Variants in SLC25A21 observed in about 807,000 individuals in gnomAD.
SLC25A21 encodes the protein mitochondrial 2-oxodicarboxylate carrier.
A neutral mutation model predicts 43.8 loss-of-function variants in SLC25A21; 47 were observed. The observed-to-expected ratio is 1.07, with a 90% confidence interval of 0.85 to 1.37. The LOEUF (loss-of-function observed/expected upper bound fraction) is 1.37. Among genes scored for constraint, SLC25A21 ranks in the 40% most tolerant of loss-of-function variants. The probability of loss-of-function intolerance (pLI) is 0.00; values close to 1 mark genes in which losing one functional copy is unlikely to be tolerated. For missense variants in SLC25A21, 352 were observed against 350.2 expected (o/e 1.00, Z -0.04); for synonymous variants, 131 against 121.3 (o/e 1.08, Z -0.52).
At chr14:36,921,390 A>G (rs1891977740) in intron 1 of SLC25A21, among the ~76,000 whole-genome samples, 1 of 152,196 alleles carries the variant, frequency 6.6e-6, no homozygotes, top group Non-Finnish European at 1.5e-5. Flanking sequence ...GCAAAATAAT[A>G]GAGTCCTTTA....
intron 1 of SLC25A21, among the ~76,000 whole-genome samples, chr14:37,111,449 A>C (rs1963017667): frequency 6.6e-6 from 1 of 152,168 alleles, no homozygotes; most frequent in African/African-American, 2.4e-5. Context: ...ACAGAAAAAT[A>C]AAGGGGGAAG....
At chr14:36,900,073 G>A (rs1436906374) in intron 1 of SLC25A21, among the ~76,000 whole-genome samples, 1 of 151,974 alleles carries the variant, frequency 6.6e-6, no homozygotes, top group Non-Finnish European at 1.5e-5. Flanking sequence ...AAATGGCAGG[G>A]ATGCTTGGCT....
At chr14:36,826,147 A>G (rs1163750109) in intron 2 of SLC25A21, among the ~76,000 whole-genome samples, 1 of 152,160 alleles carries the variant, frequency 6.6e-6, no homozygotes, top group African/African-American at 2.4e-5. Flanking sequence ...TACGAGACAA[A>G]CATGTAGCAT....
At chr14:37,095,800 A>AT (rs1390823175) in intron 1 of SLC25A21, among the ~76,000 whole-genome samples, 6 of 104,172 alleles carry the variant, frequency 5.8e-5, no homozygotes, top group Non-Finnish European at 1.1e-4. Context: ...ATATATTTAT[A>AT]TACACACACA....
chr14:36,754,423 G>C (rs997713769), intron 3 of SLC25A21, among the ~76,000 whole-genome samples: 1 of 152,152 alleles, frequency 6.6e-6, no homozygotes, highest in Non-Finnish European at 1.5e-5. Context: ...GGTGGGTGAG[G>C]ATAAATATCT....
rs530641486 is a variant in SLC25A21 at position 36,679,258 on chromosome 14, G to A, written c.*1400C>T. 40 of 983,294 alleles carry A rather than the reference G, an allele frequency of 4.1e-5. No homozygotes were observed. Among genetic ancestry groups the A allele is most frequent in the Middle Eastern group, 5.2e-4 (1 of 1,910 alleles). 60.9% of individuals were successfully genotyped at this position (983,294 alleles called of 1,614,324 possible). On this transcript the variant is annotated 3_prime_UTR_variant, in exon 10 of 10. Coordinates refer to ENST00000331299, the MANE Select transcript of SLC25A21 (RefSeq NM_030631.4). ...CTGAAATATAAATTTTAAAAAACAC[G>A]TTGGAAAGGATGTACAACAGAAGGC...
intron 5 of SLC25A21, among the ~76,000 whole-genome samples, chr14:36,728,553 T>C (rs1884690152): frequency 1.3e-5 from 2 of 152,234 alleles, no homozygotes; most frequent in Non-Finnish European, 2.9e-5. Context: ...CCCAGCTATC[T>C]TGTATAGGCA....
At chr14:36,750,115 T>C (rs1309710698) in intron 3 of SLC25A21, among the ~76,000 whole-genome samples, 2 of 152,192 alleles carry the variant, frequency 1.3e-5, no homozygotes, top group African/African-American at 4.8e-5. Context: ...ATATTCCCAC[T>C]GACGCAGAAT....
intron 1 of SLC25A21, among the ~76,000 whole-genome samples, chr14:37,048,091 A>G (rs1961626731): frequency 1.3e-5 from 2 of 152,186 alleles, no homozygotes; most frequent in Non-Finnish European, 2.9e-5. Context: ...AGGTCCATTC[A>G]TGAAGCTCTT....
intron 7 of SLC25A21, among the ~76,000 whole-genome samples, chr14:36,703,830 G>T (rs1389112108): frequency 6.6e-6 from 1 of 152,188 alleles, no homozygotes; most frequent in Non-Finnish European, 1.5e-5. Context: ...GGTAATGAAA[G>T]AAACTGTTTT....
At chr14:36,800,975 C>G (rs1887850983) in intron 3 of SLC25A21, among the ~76,000 whole-genome samples, 1 of 152,110 alleles carries the variant, frequency 6.6e-6, no homozygotes, top group Non-Finnish European at 1.5e-5. Flanking sequence ...AGCAAGCAAA[C>G]AGATTACAGA....
intron 1 of SLC25A21, among the ~76,000 whole-genome samples, chr14:37,008,270 G>A (rs886486243): frequency 6.6e-6 from 1 of 152,116 alleles, no homozygotes; most frequent in South Asian, 2.1e-4. Flanking sequence ...AAATGTCACC[G>A]CATGTATTCT....
At chr14:36,923,530 AT>A (rs1892039403) in intron 1 of SLC25A21, among the ~76,000 whole-genome samples, 1 of 152,178 alleles carries the variant, frequency 6.6e-6, no homozygotes, top group East Asian at 1.9e-4. Flanking sequence ...TAAATGTAAA[AT>A]CATTTTTATT....
chr14:36,876,663 T>C (rs1311187903), intron 1 of SLC25A21, among the ~76,000 whole-genome samples: 1 of 152,214 alleles, frequency 6.6e-6, no homozygotes, highest in African/African-American at 2.4e-5. Flanking sequence ...AAGAATCAGG[T>C]GACCAGAATT....
intron 1 of SLC25A21, among the ~76,000 whole-genome samples, chr14:37,145,476 C>CAGAGAGAG (rs35649306): frequency 1.2e-4 from 17 of 143,676 alleles, no homozygotes; most frequent in East Asian, 4.4e-4. Context: ...CACACACACA[C>CAGAGAGAG]AGAGAGATGA....
chr14:36,687,108 T>C (rs915931147), intron 7 of SLC25A21, among the ~76,000 whole-genome samples: 3 of 152,134 alleles, frequency 2.0e-5, no homozygotes, highest in African/African-American at 7.2e-5. Flanking sequence ...TGTGCCACCA[T>C]ACCCAGCTAA....
intron 1 of SLC25A21, among the ~76,000 whole-genome samples, chr14:37,068,945 C>T (rs1046314084): frequency 3.3e-5 from 5 of 152,066 alleles, no homozygotes; most frequent in East Asian, 1.9e-4. Flanking sequence ...GAGGTCGAGG[C>T]GGGCAGATAA....
At chr14:36,801,786 G>A (rs986817144) in intron 3 of SLC25A21, among the ~76,000 whole-genome samples, 2 of 152,076 alleles carry the variant, frequency 1.3e-5, no homozygotes, top group Admixed American at 6.6e-5. Context: ...GAGTATTTGG[G>A]TTTTATGTAC....
intron 7 of SLC25A21, among the ~76,000 whole-genome samples, chr14:36,685,497 G>A (rs371295201): frequency 1.3e-5 from 2 of 152,168 alleles, no homozygotes; most frequent in South Asian, 2.1e-4. Context: ...AACTTGGGGC[G>A]GCTGCAAAAC....
Sources: allele counts gnomAD v4.1 joint callset (sites outside exome capture counted in the v4.1 genomes callset), GRCh38; gene constraint gnomAD v4.1.1; transcripts MANE v1.5; gene names NCBI Gene and HGNC (gene_info 2026-07-23, HGNC 2026-07-21).